Variants in VPS13A observed in about 807,000 individuals in gnomAD.
VPS13A encodes intermembrane lipid transfer protein VPS13A.
In VPS13A, 264 loss-of-function variants were observed where a neutral mutation model predicts 390.9. The observed-to-expected ratio is 0.68, with a 90% CI of 0.61 to 0.75. The LOEUF (loss-of-function observed/expected upper bound fraction) is 0.75, where lower values mean the gene tolerates loss of function less well. Ranked by LOEUF, VPS13A falls within the 30% of genes least tolerant of loss-of-function variation. The pLI is 0.00. For missense variants in VPS13A, 3,409 were observed against 3,733.9 expected, an observed-to-expected ratio of 0.91 and a Z score of 2.27; for synonymous variants, 1,231 against 1,227.1, an observed-to-expected ratio of 1.00 and a Z score of -0.07.
At chr9:77,226,431 A>G (rs2131195228) in intron 14 of VPS13A, 35 bp from the exon 15 acceptor site, 1 of 1,572,266 alleles carries the variant, frequency 6.4e-7, no homozygotes, top group East Asian at 2.2e-5. Flanking sequence ...AATAAAGGAT[A>G]ATGTGTCATT....
chr9:77,353,530 G>A lies in VPS13A; in HGVS notation c.7541G>A (p.Ser2514Asn). 1 of 1,613,458 alleles carries A rather than the reference G, an allele frequency of 6.2e-7. No individual in the cohort carries two copies. The highest frequency in any genetic ancestry group is 1.1e-5 in the South Asian group (1 of 91,062). Residue 2514 changes from serine to asparagine, a missense_variant, in exon 54 of 72, where the codon AGT becomes AAT. Coordinates refer to ENST00000360280, the MANE Select transcript of VPS13A (RefSeq NM_033305.3). Reference protein sequence around the residue: ...DPRVFKVTYESEKAELAEQEI... With the variant: ...DPRVFKVTYENEKAELAEQEI... ...AGGGTATTTAAAGTAACATATGAAAGTGAGAAAGCAGAGTTAGCAGAGCAA... is the reference window on the plus strand; with the variant it reads ...AGGGTATTTAAAGTAACATATGAAAATGAGAAAGCAGAGTTAGCAGAGCAA...
In VPS13A at chr9:77,225,867, A is replaced by C. The variant is rs533689032; in HGVS notation, c.1162-59A>C. ...CAGCCATTTGATAGATTATGTGCTT[A>C]AGTTAATTATGTAAAGTTATTTTTG... On this transcript the variant is annotated intron_variant, in intron 13 of 71. Coordinates refer to ENST00000360280, the MANE Select transcript of VPS13A (RefSeq NM_033305.3). 735 of 1,337,814 alleles carry C rather than the reference A, an allele frequency of 5.5e-4. 8 individuals carry two copies. In the South Asian group the frequency reaches 7.6e-3, roughly 14 times the overall value. The allele number at this position is 1,337,814 out of a possible 1,614,324, so 82.9% of individuals were successfully genotyped here.
rs180866671 is a variant in VPS13A at position 77,266,097 on chromosome 9, C to T, written c.2427+5873C>T. 3.7e-3 allele frequency among the ~76,000 whole-genome samples: 566 copies of T among 152,176 alleles called. 1 individual carries two copies. Among genetic ancestry groups the T allele is most frequent in the African/African-American group, 0.011 (454 of 41,526 alleles). On this transcript the variant is annotated intron_variant, in intron 23 of 71. Coordinates refer to ENST00000360280, the MANE Select transcript of VPS13A (RefSeq NM_033305.3). ...GTTGTTCAGTTTCCATGTAGTTGTG[C>T]GGTTTTGAGTGAGTTTCTTAATCCT...
intron 10 of VPS13A, among the ~76,000 whole-genome samples, chr9:77,215,541 GGA>G (rs935340424): frequency 1.3e-5 from 2 of 152,182 alleles, no homozygotes; most frequent in African/African-American, 4.8e-5. Context: ...AGTTCAGTGA[GGA>G]GAGAGAAAGT....
At chr9:77,364,389 C>A (rs770979947) in intron 59 of VPS13A, among the ~76,000 whole-genome samples, 1 of 152,118 alleles carries the variant, frequency 6.6e-6, no homozygotes, top group Non-Finnish European at 1.5e-5. Context: ...CGCGCCACTG[C>A]ACTCCAGCCT....
At chr9:77,241,915 G>C (rs1824522284) in intron 19 of VPS13A, among the ~76,000 whole-genome samples, 1 of 152,100 alleles carries the variant, frequency 6.6e-6, no homozygotes, top group Non-Finnish European at 1.5e-5. Context: ...TTAGGGAGAG[G>C]AAGGTTTTAC....
At chr9:77,321,124 T>C (rs768857284) in intron 42 of VPS13A, 45 bp from the exon 43 acceptor site, 3 of 1,540,240 alleles carry the variant, frequency 1.9e-6, no homozygotes, top group Non-Finnish European at 2.7e-6. Context: ...AGTTATGTTG[T>C]GTTCTTAGAA....
chr9:77,295,802 TA>T lies in VPS13A; in HGVS notation c.3769del (p.Ile1257LeufsTer3). The T allele has an allele frequency of 6.2e-7, 1 of 1,614,040 alleles. No individual in the cohort carries two copies. Among genetic ancestry groups the T allele is most frequent in the Non-Finnish European group, 8.5e-7 (1 of 1,179,950 alleles). On this transcript the variant is annotated frameshift_variant, in exon 33 of 72. Coordinates refer to ENST00000360280, the MANE Select transcript of VPS13A (RefSeq NM_033305.3). LOFTEE classifies it high-confidence loss of function. ...AGAGCCAGAGCTCTCCCCCACCTGT[TA>T]TTGATTTGATAACAATAAAGCTGAG... is the stretch of plus-strand genomic sequence containing the variant. ...TESQSSPPPV[I>X]DLITIKLSEM...
chr9:77,249,273 T>C lies in VPS13A; in HGVS notation c.2038-824T>C, dbSNP rs928396827. ...ATTTGTTAATTGTGTAAACGCCCAC[T>C]GGGTATATATTTATAATAAAATTTA... On this transcript the variant is annotated intron_variant, in intron 20 of 71. Transcript: ENST00000360280. Among the ~76,000 whole-genome samples the C allele has an allele frequency of 2.0e-5, 3 of 152,232 alleles. No individual in the cohort carries two copies. The East Asian group carries it at 5.8e-4, about 29-fold the overall frequency.
rs1827139896 is a variant in VPS13A, at chr9:77,283,216, CCTTG to C, written c.3119-135_3119-132del. The C allele has an allele frequency of 2.2e-5, 13 of 597,246 alleles. No homozygotes were observed. In the South Asian group the frequency reaches 2.8e-4, roughly 13 times the overall value. 37.0% of individuals were successfully genotyped at this position (597,246 alleles called of 1,614,324 possible). A position where few individuals can be genotyped will look rare whatever the true frequency, so the allele number is the denominator to read the frequency against. On this transcript the variant is annotated intron_variant, in intron 29 of 71. Transcript: ENST00000360280. ...TTTCAATTCAGTAGGGAATATCATA[CCTTG>C]CTTTCAACTGAATTGCAGATCAGGT...
intron 45 of VPS13A, 24 bp from the exon 46 acceptor site, chr9:77,331,986 A>T (rs1365683006): frequency 6.7e-7 from 1 of 1,490,884 alleles, no homozygotes. Context: ...ATGATACTAA[A>T]TATTATTTGT....
intron 67 of VPS13A, among the ~76,000 whole-genome samples, chr9:77,380,972 A>G (rs570831428): frequency 1.8e-3 from 274 of 152,324 alleles, no homozygotes; most frequent in Middle Eastern, 3.4e-3. Flanking sequence ...CTAACAGGCT[A>G]TGGACCGGTA....
chr9:77,271,555 C>A (rs1190695678), intron 23 of VPS13A, among the ~76,000 whole-genome samples: 2 of 152,014 alleles, frequency 1.3e-5, no homozygotes, highest in Non-Finnish European at 2.9e-5. Context: ...TTGCATAAAA[C>A]CCAATTGTCT....
Position 77,419,213 on chromosome 9 carries a change from C to T in VPS13A, c.*3207C>T, listed in dbSNP as rs1835269365. On this transcript the variant is annotated 3_prime_UTR_variant, in exon 72 of 72. Coordinates refer to ENST00000360280, the MANE Select transcript of VPS13A (RefSeq NM_033305.3). The stretch of plus-strand genomic sequence containing the variant: ...ATGCTGTTTTTCCACACTGTAAGTC[C>T]TAACTCATTAGTGGGTCATGAAATC... 6.6e-6 allele frequency: 1 copy of T among 152,102 alleles called. No homozygotes were observed. Among genetic ancestry groups the T allele is most frequent in the Non-Finnish European group, 1.5e-5 (1 of 68,022 alleles). 9.4% of individuals were successfully genotyped at this position (152,102 alleles called of 1,614,324 possible). A position where few individuals can be genotyped will look rare whatever the true frequency, so the allele number is the denominator to read the frequency against.
At chr9:77,414,351 A>C (rs1441299420) in intron 71 of VPS13A, among the ~76,000 whole-genome samples, 1 of 152,204 alleles carries the variant, frequency 6.6e-6, no homozygotes, top group African/African-American at 2.4e-5. Context: ...AATGTCCAAC[A>C]ATGATAGACT....
intron 1 of VPS13A, among the ~76,000 whole-genome samples, chr9:77,198,856 T>G (rs1055666659): frequency 6.6e-6 from 1 of 152,112 alleles, no homozygotes; most frequent in Non-Finnish European, 1.5e-5. Context: ...AGAGATGGGA[T>G]TTCACCATTT....
intron 1 of VPS13A, among the ~76,000 whole-genome samples, chr9:77,189,965 T>C (rs1022091876): frequency 6.6e-6 from 1 of 152,288 alleles, no homozygotes; most frequent in African/African-American, 2.4e-5. Context: ...ATCCTGAAAG[T>C]TGGTTGAAGT....
chr9:77,341,684 A>G (rs1830820341), intron 50 of VPS13A, among the ~76,000 whole-genome samples: 1 of 75,604 alleles, frequency 1.3e-5, no homozygotes, highest in Non-Finnish European at 2.7e-5. Context: ...CTACATGGAC[A>G]TCTTTCCTTT....
intron 67 of VPS13A, among the ~76,000 whole-genome samples, chr9:77,375,791 A>G (rs765173591): frequency 1.3e-5 from 2 of 152,218 alleles, no homozygotes; most frequent in Non-Finnish European, 2.9e-5. Context: ...TATTCAGCAC[A>G]TTTTAGGGAG....
Sources: allele counts gnomAD v4.1 joint callset (sites outside exome capture counted in the v4.1 genomes callset), GRCh38; gene constraint gnomAD v4.1.1; transcripts MANE v1.5; gene names NCBI Gene and HGNC (gene_info 2026-07-23, HGNC 2026-07-21).